LPA: variants seen among roughly 807,000 people sequenced by gnomAD.
The protein encoded by LPA is lipoprotein(a).
A neutral mutation model predicts 197.9 loss-of-function variants in LPA; 199 were observed. The ratio of observed to expected loss-of-function variants is 1.01; its 90% CI spans 0.90 to 1.13. LPA has a LOEUF of 1.13. LPA is among the 50% of genes most tolerant of loss of function. LPA has a pLI of 0.00. For synonymous variants in LPA, 715 were observed against 639.5 expected, an observed-to-expected ratio of 1.12 and a Z score of -1.78; for missense variants, 1,853 against 1,785.8, an observed-to-expected ratio of 1.04 and a Z score of -0.68.
At position 160,653,992 on chromosome 6, in the gene LPA, TATATTA is replaced by T. The variant is rs1780063075; in HGVS notation, c.50-3501_50-3496del. ...TATATATAATATATAATATATAATATATATTATATATAATATATATTATATATAATA... is the reference window on the plus strand; with the variant it reads ...TATATATAATATATAATATATAATATTATATAATATATATTATATATAATA... On this transcript the variant is annotated intron_variant, in intron 1 of 38. Coordinates refer to ENST00000316300, the MANE Select transcript of LPA (RefSeq NM_005577.4). Among the ~76,000 whole-genome samples, 4 of 16,102 alleles carry T rather than the reference TATATTA, an allele frequency of 2.5e-4. 1 individual carries two copies. Among genetic ancestry groups the T allele is most frequent in the Non-Finnish European group, 3.9e-4 (4 of 10,236 alleles). The allele number at this position is 16,102 out of a possible 152,430, so 10.6% of individuals were successfully genotyped here.
At chr6:160,654,034 ATT>A (rs1780073796) in intron 1 of LPA, among the ~76,000 whole-genome samples, 3 of 15,680 alleles carry the variant, frequency 1.9e-4, no homozygotes, top group African/African-American at 4.2e-4. Context: ...TATAATATAT[ATT>A]ATATATAATA....
rs750818276 is a variant in LPA, at chr6:160,590,932, G to C, written c.3787+12C>G. ...GTCCAAGGGTGTGGTTGTCTGGCCAGAGACTTCTTACCTTGTTCAGAAACA... is the reference window on the plus strand; with the variant it reads ...GTCCAAGGGTGTGGTTGTCTGGCCACAGACTTCTTACCTTGTTCAGAAACA... On this transcript the variant is annotated intron_variant, in intron 23 of 38. Coordinates refer to ENST00000316300, the MANE Select transcript of LPA (RefSeq NM_005577.4). 3.1e-6 allele frequency: 5 copies of C among 1,613,900 alleles called. No homozygotes were observed. The highest frequency in any genetic ancestry group is 3.4e-6 in the Non-Finnish European group (4 of 1,179,846).
In LPA at chr6:160,650,478, A is replaced by T. The variant is rs1317484043; in HGVS notation, c.69T>A (p.His23Gln). 1.2e-6 allele frequency: 2 copies of T among 1,613,632 alleles called. No homozygotes were observed. Among genetic ancestry groups the T allele is most frequent in the Non-Finnish European group, 1.7e-6 (2 of 1,179,728 alleles). ...CACCATGGTAGCAATCCTGGACCAC[A>T]TGGCTTTGCTCAGGTGCTGCTAAAA... ...FLKSAAPEQS[H>Q]VVQDCYHGDG... Residue 23 changes from histidine (H) to glutamine (Q), a missense_variant, in exon 2 of 39, where the codon CAT (histidine) becomes CAA (glutamine). Physicochemically the swap from His to Gln is conservative, Grantham distance 24 (BLOSUM62 0). This residue lies in a region of LPA where 88 missense variants were observed against 83.0 expected (regional missense o/e 1.06). Coordinates refer to ENST00000316300, the MANE Select transcript of LPA (RefSeq NM_005577.4).
chr6:160,652,717 G>C (rs564060021), intron 1 of LPA, among the ~76,000 whole-genome samples: 1 of 152,126 alleles, frequency 6.6e-6, no homozygotes, highest in East Asian at 1.9e-4. Context: ...TGTATTATGA[G>C]AGCTATAACA....
At chr6:160,537,719 T>A in intron 37 of LPA, 136 bp downstream of exon 37, 2 of 777,012 alleles carry the variant, frequency 2.6e-6, no homozygotes, top group Non-Finnish European at 4.5e-6. Flanking sequence ...CATAGACAGG[T>A]GTCCAGGCAA....
intron 16 of LPA, among the ~76,000 whole-genome samples, chr6:160,609,848 G>GTA (rs1295000006): frequency 6.6e-6 from 1 of 151,644 alleles, no homozygotes; most frequent in Non-Finnish European, 1.5e-5. Context: ...GTGTGTGTGT[G>GTA]GCTCATTCTG....
Position 160,664,241 on chromosome 6 carries a change from A to G in LPA, c.-27T>C. ...TTGGGACTGGCCAGCAGTGCCCAGAAAGTGTGTCCCAATCCCAGGACATTG... is the reference window on the plus strand; with the variant it reads ...TTGGGACTGGCCAGCAGTGCCCAGAGAGTGTGTCCCAATCCCAGGACATTG... On this transcript the variant is annotated 5_prime_UTR_variant, in exon 1 of 39. Coordinates refer to ENST00000316300, the MANE Select transcript of LPA (RefSeq NM_005577.4). 1 of 1,603,896 alleles carries G rather than the reference A, an allele frequency of 6.2e-7. No individual in the cohort carries two copies. The highest frequency in any genetic ancestry group is 8.5e-7 in the Non-Finnish European group (1 of 1,177,074).
intron 20 of LPA, among the ~76,000 whole-genome samples, chr6:160,597,188 A>T (rs1477033683): frequency 6.6e-6 from 1 of 152,192 alleles, no homozygotes; most frequent in African/African-American, 2.4e-5. Context: ...TTTTATTGAG[A>T]ACAAAGATAC....
At chr6:160,654,268 C>T (rs969352045) in intron 1 of LPA, among the ~76,000 whole-genome samples, 10 of 147,806 alleles carry the variant, frequency 6.8e-5, no homozygotes, top group Non-Finnish European at 1.2e-4. Flanking sequence ...GCATTTGGCA[C>T]AGGAGAAAGA....
chr6:160,611,535 C>G, intron 16 of LPA, 27 bp downstream of exon 16: 1 of 1,607,186 alleles, frequency 6.2e-7, no homozygotes. Flanking sequence ...GCCCTTTATT[C>G]TCTTATGGTA....
At chr6:160,540,866 C>T (rs2114998349) in intron 35 of LPA, among the ~76,000 whole-genome samples, 1 of 152,328 alleles carries the variant, frequency 6.6e-6, no homozygotes, top group Admixed American at 6.5e-5. Context: ...AAATCACTTG[C>T]ACTGGGTCTT....
intron 30 of LPA, among the ~76,000 whole-genome samples, 180 bp downstream of exon 30, chr6:160,555,845 G>A (rs1778253768): frequency 6.6e-6 from 1 of 152,108 alleles, no homozygotes; most frequent in South Asian, 2.1e-4. Context: ...AGAAAAGATA[G>A]CAAGCCTAAA....
At chr6:160,553,935 C>CTGTGTGTGTGTGTGTG (rs1294838247) in intron 30 of LPA, among the ~76,000 whole-genome samples, 17 of 70,956 alleles carry the variant, frequency 2.4e-4, no homozygotes, top group South Asian at 1.3e-3. Flanking sequence ...CTCTCTCTCT[C>CTGTGTGTGTGTGTGTG]TCTGTGTGTG....
chr6:160,587,482 G>A (rs181327840), intron 24 of LPA, among the ~76,000 whole-genome samples: 1 of 151,562 alleles, frequency 6.6e-6, no homozygotes, highest in African/African-American at 2.4e-5. Flanking sequence ...TTTCTTTTTA[G>A]CTTTGAATTG....
At chr6:160,605,828 T>G (rs1779337591) in intron 17 of LPA, among the ~76,000 whole-genome samples, 1 of 152,158 alleles carries the variant, frequency 6.6e-6, no homozygotes, top group African/African-American at 2.4e-5. Context: ...ACCCACATCC[T>G]GAGTTGCAAT....
In LPA at chr6:160,585,368, G is replaced by T. The variant is rs1261349319; in HGVS notation, c.4130-163C>A. Among the ~76,000 whole-genome samples, 3 of 152,192 alleles carry T rather than the reference G, an allele frequency of 2.0e-5. No homozygotes were observed. In the East Asian group the frequency reaches 5.8e-4, roughly 29 times the overall value. ...AATAAAAATACAAATAGACTTATAG[G>T]ATTCTAGAAATTTAATAAGTAGTCA... On this transcript the variant is annotated intron_variant, in intron 25 of 38. Transcript: ENST00000316300.
At chr6:160,576,606 T>A (rs1469105676) in intron 28 of LPA, among the ~76,000 whole-genome samples, 5 of 144,660 alleles carry the variant, frequency 3.5e-5, no homozygotes, top group African/African-American at 1.3e-4. Context: ...TATGCAAAAA[T>A]TTAAATATAA....
In LPA at chr6:160,547,785, T is replaced by C; in HGVS notation, c.5304+4A>G. 1 of 1,614,042 alleles carries C rather than the reference T, an allele frequency of 6.2e-7. No individual in the cohort carries two copies. The highest frequency in any genetic ancestry group is 1.1e-5 in the South Asian group (1 of 91,074). On this transcript the variant is annotated splice_donor_region_variant and intron_variant, in intron 32 of 38. Transcript: ENST00000316300. The stretch of plus-strand genomic sequence containing the variant: ...GAAAAAGAGTCCAAATCAAAGTGGC[T>C]TACATTTTTTTCCAGACCTGCCCAT...
chr6:160,565,090 CT>C, intron 28 of LPA, among the ~76,000 whole-genome samples: 1 of 152,346 alleles, frequency 6.6e-6, no homozygotes. Context: ...GACTCCACCT[CT>C]GGGGGCAGGG....
Sources: allele counts gnomAD v4.1 joint callset (sites outside exome capture counted in the v4.1 genomes callset), GRCh38; gene constraint gnomAD v4.1.1; regional missense constraint gnomAD v4.1.1; transcripts MANE v1.5; gene names NCBI Gene and HGNC (gene_info 2026-07-23, HGNC 2026-07-21).